The following NCBP3 variants were observed in gnomAD, a reference collection of about 807,000 sequenced individuals.
The protein encoded by NCBP3 is nuclear cap binding subunit 3.
In NCBP3, 20 loss-of-function variants were observed where a neutral mutation model predicts 75.7. The ratio of observed to expected loss-of-function variants is 0.26; its 90% CI spans 0.19 to 0.38. NCBP3 has a LOEUF of 0.38. NCBP3 is among the 10% of genes least tolerant of loss of function. NCBP3 has a pLI of 1.00. For synonymous variants in NCBP3, 293 were observed against 290.5 expected, an observed-to-expected ratio of 1.01 and a Z score of -0.09; for missense variants, 678 against 796.9, an observed-to-expected ratio of 0.85 and a Z score of 1.80.
At chr17:3,832,147 G>A (rs565945991) in intron 3 of NCBP3, among the ~76,000 whole-genome samples, 1 of 100,452 alleles carries the variant, frequency 1.0e-5, no homozygotes, top group South Asian at 4.0e-4. Context: ...TTGTGCCATT[G>A]CACTCCAGAC....
intron 4 of NCBP3, among the ~76,000 whole-genome samples, chr17:3,828,903 C>T (rs1295261973): frequency 6.6e-6 from 1 of 152,114 alleles, no homozygotes; most frequent in Admixed American, 6.6e-5. Context: ...TCTGAAAATG[C>T]AGCCCCAAGT....
chr17:3,817,034 C>CAA (rs113725373), intron 10 of NCBP3, among the ~76,000 whole-genome samples: 37 of 142,532 alleles, frequency 2.6e-4, no homozygotes, highest in African/African-American at 8.6e-4. Flanking sequence ...GACTCCGTCT[C>CAA]AAAAAAAAAA....
chr17:3,813,447 G>A (rs531354356), intron 12 of NCBP3, among the ~76,000 whole-genome samples, 168 bp from the exon 13 acceptor site: 3 of 152,198 alleles, frequency 2.0e-5, no homozygotes, highest in Admixed American at 6.5e-5. Flanking sequence ...TTCCCGGGCC[G>A]CAGCCCCTGC....
intron 4 of NCBP3, among the ~76,000 whole-genome samples, chr17:3,828,082 C>T (rs190915833): frequency 1.6e-4 from 25 of 152,268 alleles, no homozygotes; most frequent in Non-Finnish European, 2.8e-4. Flanking sequence ...CCACATGAGG[C>T]TAATTTTTGT....
chr17:3,821,329 C>T lies in NCBP3; in HGVS notation c.920G>A (p.Arg307His). Reference sequence around the variant, plus strand: ...CTTCTTGATCACGTCCCGCTGAATACGACGGGAATGATATCTTCGCTTCCT... The same window carrying T: ...CTTCTTGATCACGTCCCGCTGAATATGACGGGAATGATATCTTCGCTTCCT... Reference protein sequence around the residue: ...NSWKRRYHSRRIQRDVIKKRA... With the variant: ...NSWKRRYHSRHIQRDVIKKRA... The change falls in exon 9 of 13, where the codon CGT becomes CAT. Residue 307 changes from arginine (R) to histidine (H), a missense_variant. Physicochemically the swap from Arg to His is conservative, Grantham distance 29. Transcript: ENST00000389005. 1.9e-6 allele frequency: 3 copies of T among 1,613,864 alleles called. No homozygotes were observed. Among genetic ancestry groups the T allele is most frequent in the Non-Finnish European group, 1.7e-6 (2 of 1,179,812 alleles).
rs540919596 is a variant in NCBP3, at chr17:3,812,906, C to G, written c.*138G>C. Reference sequence around the variant, plus strand: ...GTGTCACATTCTTAAGATGTCTTGCCGAAGTAGCAAGAGCGGAGGGTGACT... The same window carrying G: ...GTGTCACATTCTTAAGATGTCTTGCGGAAGTAGCAAGAGCGGAGGGTGACT... On this transcript the variant is annotated 3_prime_UTR_variant, in exon 13 of 13. Transcript: ENST00000389005. The G allele has an allele frequency of 6.8e-7, 1 of 1,471,572 alleles. No homozygotes were observed. The highest frequency in any genetic ancestry group is 1.4e-5 in the African/African-American group (1 of 70,566). The allele number at this position is 1,471,572 out of a possible 1,614,324, so 91.2% of individuals were successfully genotyped here.
chr17:3,840,140 G>A lies in NCBP3; in HGVS notation c.315C>T (p.Ala105=). ...RFHFRSEVNL[A]QRNVALDRDM... is the part of the protein sequence containing the mutation. ...CTCGGTCCAAGGCTACATTTCTTTG[G>A]GCAAGATTTACTTCCGATCGAAAAT... The change falls in exon 3 of 13, where the codon GCC becomes GCT. Residue 105 remains alanine (A), a synonymous_variant. Coordinates refer to ENST00000389005, the MANE Select transcript of NCBP3 (RefSeq NM_001114118.3). The A allele has an allele frequency of 6.4e-7, 1 of 1,551,576 alleles. No homozygotes were observed. Among genetic ancestry groups the A allele is most frequent in the Non-Finnish European group, 8.7e-7 (1 of 1,146,952 alleles).
chr17:3,820,203 G>A (rs1394877005), intron 9 of NCBP3, among the ~76,000 whole-genome samples: 1 of 152,096 alleles, frequency 6.6e-6, no homozygotes, highest in African/African-American at 2.4e-5. Context: ...TCCTGCCTTG[G>A]CCTCCCAAAG....
chr17:3,825,685 C>T (rs933726871), intron 6 of NCBP3, 82 bp downstream of exon 6: 1 of 1,015,230 alleles, frequency 9.8e-7, no homozygotes, highest in Non-Finnish European at 1.5e-6. Flanking sequence ...AAAAACGTAA[C>T]TAAGTCTTTA....
rs1484051919 is a variant in NCBP3, at chr17:3,803,823, C to T, written c.*9221G>A. The T allele has an allele frequency of 2.0e-5, 3 of 152,196 alleles. No individual in the cohort carries two copies. Among genetic ancestry groups the T allele is most frequent in the Admixed American group, 6.5e-5 (1 of 15,284 alleles). 9.4% of individuals were successfully genotyped at this position (152,196 alleles called of 1,614,324 possible). A position where few individuals can be genotyped will look rare whatever the true frequency, so the allele number is the denominator to read the frequency against. The stretch of plus-strand genomic sequence containing the variant: ...AGGCGCGGTGGCTCACGCCTGTAAT[C>T]CCAGCACTTTGGGAGGCCGAGGCGG... On this transcript the variant is annotated 3_prime_UTR_variant, in exon 13 of 13. Transcript: ENST00000389005.
chr17:3,830,893 T>C (rs1204882341), intron 3 of NCBP3, among the ~76,000 whole-genome samples: 1 of 115,386 alleles, frequency 8.7e-6, no homozygotes, highest in Admixed American at 8.8e-5. Flanking sequence ...AATTGCGTAC[T>C]TTTTTAACTA....
At position 3,816,035 on chromosome 17, in the gene NCBP3, T is replaced by C. The variant is rs1597393697; in HGVS notation, c.1465+81A>G. The stretch of plus-strand genomic sequence containing the variant: ...GCTAAATCAGTTCACACATCGCATG[T>C]TTTACTCAGGAACCTCTCTCTGCCC... On this transcript the variant is annotated intron_variant, in intron 11 of 12. Coordinates refer to ENST00000389005, the MANE Select transcript of NCBP3 (RefSeq NM_001114118.3). 5.0e-6 allele frequency: 7 copies of C among 1,406,508 alleles called. No individual in the cohort carries two copies. In the East Asian group the frequency reaches 1.4e-4, roughly 29 times the overall value. 87.1% of individuals were successfully genotyped at this position (1,406,508 alleles called of 1,614,324 possible). A position where few individuals can be genotyped will look rare whatever the true frequency, so the allele number is the denominator to read the frequency against.
At chr17:3,823,270 G>A (rs572469628) in intron 7 of NCBP3, among the ~76,000 whole-genome samples, 20 of 152,216 alleles carry the variant, frequency 1.3e-4, no homozygotes, top group South Asian at 1.2e-3. Flanking sequence ...AGAGGTTGCA[G>A]GGAGGCAGCG....
chr17:3,814,277 G>C (rs1297832167), intron 12 of NCBP3, 45 bp downstream of exon 12: 2 of 1,601,678 alleles, frequency 1.2e-6, no homozygotes, highest in Non-Finnish European at 1.7e-6. Flanking sequence ...ACTGTCCTCT[G>C]CTCTCACTGA....
Position 3,816,138 on chromosome 17 carries a change from T to C in NCBP3, c.1443A>G (p.Pro481=). ...TACCTGATTTAGTACTGCTGACTGG[T>C]GGCCGTGGACGGGAGTGCTGACGTT... The part of the protein sequence containing the change: ...DEKRQHSRPR[P]PVSSTKSDIR... Residue 481 remains proline (P), a synonymous_variant, in exon 11 of 13, where the codon CCA becomes CCG. Transcript: ENST00000389005. 6.2e-7 allele frequency: 1 copy of C among 1,614,098 alleles called. No homozygotes were observed. The highest frequency in any genetic ancestry group is 8.5e-7 in the Non-Finnish European group (1 of 1,179,992).
chr17:3,823,790 T>G (rs1381398558), intron 7 of NCBP3: 2 of 152,172 alleles, frequency 1.3e-5, no homozygotes, highest in African/African-American at 4.8e-5. Flanking sequence ...TAGTGATGAT[T>G]ACCTTAACCA....
chr17:3,819,586 T>G (rs1458817788), intron 9 of NCBP3, among the ~76,000 whole-genome samples: 2 of 150,934 alleles, frequency 1.3e-5, no homozygotes, highest in South Asian at 2.1e-4. Flanking sequence ...GAGAAACATA[T>G]GTAAAACAAG....
intron 2 of NCBP3, among the ~76,000 whole-genome samples, chr17:3,842,090 T>C (rs1210392513): frequency 6.6e-6 from 1 of 152,024 alleles, no homozygotes; most frequent in Non-Finnish European, 1.5e-5. Flanking sequence ...AAGGTGGTAA[T>C]CTGGTAATAG....
intron 1 of NCBP3, among the ~76,000 whole-genome samples, chr17:3,845,461 A>C (rs1206584524): frequency 1.3e-5 from 2 of 152,278 alleles, no homozygotes; most frequent in African/African-American, 2.4e-5. Context: ...GCTTTCATTA[A>C]GAGTCAGATG....
Sources: gnomAD v4.1 joint callset for allele counts (sites outside exome capture counted in the v4.1 genomes callset) on GRCh38, gnomAD v4.1.1 for gene constraint, MANE v1.5 for transcripts, NCBI Gene and HGNC (gene_info 2026-07-23, HGNC 2026-07-21) for gene names.